GNPTAB: variants seen among roughly 807,000 people sequenced by gnomAD.
GNPTAB encodes the protein N-acetylglucosamine-1-phosphate transferase subunits alpha and beta.
In GNPTAB, 92 loss-of-function variants were observed where a neutral mutation model predicts 136.6. The observed-to-expected ratio is 0.67, with a 90% confidence interval of 0.57 to 0.80. GNPTAB has a LOEUF of 0.80. GNPTAB is among the 30% of genes least tolerant of loss of function. GNPTAB has a pLI of 0.00. For synonymous variants in GNPTAB, 512 were observed against 535.1 expected (o/e 0.96, Z 0.60); for missense variants, 1,343 against 1,501.8 (o/e 0.89, Z 1.75).
At chr12:101,755,537 T>C (rs1952889445) in intron 18 of GNPTAB, among the ~76,000 whole-genome samples, 1 of 152,170 alleles carries the variant, frequency 6.6e-6, no homozygotes, top group African/African-American at 2.4e-5. Context: ...ATTTAACCAA[T>C]GTTAAAGTTC....
At chr12:101,776,136 T>C (rs1028513873) in intron 7 of GNPTAB, among the ~76,000 whole-genome samples, 1 of 152,208 alleles carries the variant, frequency 6.6e-6, no homozygotes, top group Non-Finnish European at 1.5e-5. Context: ...ACAACTACTA[T>C]AATTGAAGGA....
chr12:101,772,281 A>G (rs753487438), intron 7 of GNPTAB, among the ~76,000 whole-genome samples: 17 of 152,224 alleles, frequency 1.1e-4, no homozygotes, highest in Non-Finnish European at 2.1e-4. Context: ...CTTCTAAAAG[A>G]GCTTACGGTC....
chr12:101,771,234 C>G, intron 7 of GNPTAB, 77 bp from the exon 8 acceptor site: 1 of 1,066,370 alleles, frequency 9.4e-7, no homozygotes, highest in Non-Finnish European at 1.4e-6. Context: ...CCACTCTGCT[C>G]TTTAATCTTT....
chr12:101,785,134 T>C (rs1477028068), intron 5 of GNPTAB, among the ~76,000 whole-genome samples: 1 of 152,236 alleles, frequency 6.6e-6, no homozygotes, highest in South Asian at 2.1e-4. Context: ...GCTTGGGTTT[T>C]GGTGAGGGTA....
chr12:101,764,076 A>C lies in GNPTAB; in HGVS notation c.2715+126T>G, dbSNP rs11111004. On this transcript the variant is annotated intron_variant, in intron 13 of 20. Coordinates refer to ENST00000299314, the MANE Select transcript of GNPTAB (RefSeq NM_024312.5). Reference sequence around the variant, plus strand: ...TTGGGTAAATTAAATGAAACCATGTAAGAAAAGCATTTAGTTCCATGGCCG... The same window carrying C: ...TTGGGTAAATTAAATGAAACCATGTCAGAAAAGCATTTAGTTCCATGGCCG... The C allele has an allele frequency of 7.6e-4, 945 of 1,236,908 alleles. 4 individuals are homozygous for C. The African/African-American group carries it at 0.013, about 17-fold the overall frequency. The allele number at this position is 1,236,908 out of a possible 1,614,324, so 76.6% of individuals were successfully genotyped here.
Position 101,830,769 on chromosome 12 carries a change from G to A in GNPTAB, c.-94C>T, listed in dbSNP as rs1871335232. ...AGCCGCCATTCAGGGGCCCCGGTCG[G>A]GCCGCCGCGCGCAGGTCACAGCCTC... On this transcript the variant is annotated 5_prime_UTR_variant, in exon 1 of 21. Transcript: ENST00000299314. 2.9e-5 allele frequency: 19 copies of A among 662,786 alleles called. 2 individuals carry two copies. In the Middle Eastern group the frequency reaches 5.6e-3, roughly 196 times the overall value. The allele number at this position is 662,786 out of a possible 1,614,324, so 41.1% of individuals were successfully genotyped here.
chr12:101,764,984 C>T lies in GNPTAB; in HGVS notation c.1933G>A (p.Ala645Thr). The change falls in exon 13 of 21, where the codon GCC (alanine) becomes ACC (threonine). Residue 645 changes from alanine to threonine, a missense_variant. Physicochemically the swap from Ala to Thr is moderately conservative, Grantham distance 58 (BLOSUM62 0). Transcript: ENST00000299314. ...ACTAAATTTTCGTAACCCTTCTGGGCTGTAGAATTCAGTTTTGGTCCCTCC... is the reference window on the plus strand; with the variant it reads ...ACTAAATTTTCGTAACCCTTCTGGGTTGTAGAATTCAGTTTTGGTCCCTCC... ...TREGPKLNST[A>T]QKGYENLVSP... 1 of 1,614,046 alleles carries T rather than the reference C, an allele frequency of 6.2e-7. No individual in the cohort carries two copies. The highest frequency in any genetic ancestry group is 8.5e-7 in the Non-Finnish European group (1 of 1,179,980).
chr12:101,749,057 C>A, intron 20 of GNPTAB, 44 bp downstream of exon 20: 1 of 1,105,080 alleles, frequency 9.0e-7, no homozygotes, highest in South Asian at 1.2e-5. Context: ...GCTAGTATAC[C>A]AAGAAATACC....
intron 2 of GNPTAB, among the ~76,000 whole-genome samples, chr12:101,791,808 C>A (rs1242788504): frequency 6.6e-6 from 1 of 152,104 alleles, no homozygotes; most frequent in Non-Finnish European, 1.5e-5. Flanking sequence ...AAAAAATTAA[C>A]AGAAATGAAA....
intron 2 of GNPTAB, among the ~76,000 whole-genome samples, chr12:101,795,494 T>C (rs1869226251): frequency 6.6e-6 from 1 of 152,198 alleles, no homozygotes; most frequent in Admixed American, 6.5e-5. Flanking sequence ...GATTCATGCC[T>C]GTAACCTCAG....
chr12:101,822,168 C>G (rs1276248690), intron 1 of GNPTAB, among the ~76,000 whole-genome samples: 1 of 152,182 alleles, frequency 6.6e-6, no homozygotes, highest in Non-Finnish European at 1.5e-5. Flanking sequence ...AATCCCAGCA[C>G]TTTGGGAGGC....
At chr12:101,796,611 C>T (rs973168915) in intron 2 of GNPTAB, 66 bp downstream of exon 2, 7 of 1,025,152 alleles carry the variant, frequency 6.8e-6, no homozygotes, top group African/African-American at 4.7e-5. Context: ...GTCATATTTA[C>T]AGGATGGCTA....
At chr12:101,790,493 C>A (rs1343919719) in intron 2 of GNPTAB, among the ~76,000 whole-genome samples, 1 of 152,220 alleles carries the variant, frequency 6.6e-6, no homozygotes, top group African/African-American at 2.4e-5. Context: ...AGGCTCTGCA[C>A]AGTGGCTCAC....
rs542467767 is a variant in GNPTAB at position 101,761,745 on chromosome 12, T to C, written c.2734A>G (p.Thr912Ala). 3.1e-6 allele frequency: 5 copies of C among 1,612,784 alleles called. No homozygotes were observed. In the South Asian group the frequency reaches 5.5e-5, roughly 18 times the overall value. ...CTATCAGTGAAGTATGCCAATTGTG[T>C]CTTCAATGACTCTTCTTCCTGAAAA... ...DLLDEEESLK[T>A]QLAYFTDSKN... Residue 912 changes from threonine (T) to alanine (A), a missense_variant, in exon 14 of 21, where the codon ACA (threonine) becomes GCA (alanine). By Grantham distance (58) the Thr-to-Ala change is moderately conservative. Transcript: ENST00000299314.
chr12:101,759,909 C>A, intron 16 of GNPTAB, 121 bp downstream of exon 16: 1 of 726,858 alleles, frequency 1.4e-6, no homozygotes, highest in South Asian at 1.5e-5. Context: ...TGTTTTGCAA[C>A]AAAGACATAT....
rs1169845050 is a variant in GNPTAB at position 101,764,416 on chromosome 12, T to C, written c.2501A>G (p.Lys834Arg). ...KTIGGNVTKEKPPSLIVPLES... is the reference protein window; with the variant it reads ...KTIGGNVTKERPPSLIVPLES... ...CAGTGGAACAATCAGAGATGGGGGC[T>C]TTTCTTTTGTCACATTTCCGCCTAT... Residue 834 changes from lysine to arginine, a missense_variant, in exon 13 of 21, where the codon AAG (lysine) becomes AGG (arginine). Coordinates refer to ENST00000299314, the MANE Select transcript of GNPTAB (RefSeq NM_024312.5). 5.6e-6 allele frequency: 9 copies of C among 1,613,346 alleles called. No homozygotes were observed. The African/African-American group carries it at 6.7e-5, about 12-fold the overall frequency.
intron 16 of GNPTAB, among the ~76,000 whole-genome samples, chr12:101,758,087 G>C (rs544945222): frequency 2.6e-4 from 38 of 148,822 alleles, no homozygotes; most frequent in African/African-American, 9.2e-4. Context: ...CGCCCAGGCT[G>C]GAGTGCAGTG....
rs181485005 is a variant in GNPTAB, at chr12:101,798,175, T to C, written c.118-1413A>G. Among the ~76,000 whole-genome samples, 189 of 151,980 alleles carry C rather than the reference T, an allele frequency of 1.2e-3. 2 individuals carry two copies. The highest frequency in any genetic ancestry group is 4.2e-3 in the African/African-American group (174 of 41,492). ...GCATTTTCCTCATCTCTTACTCAAG[T>C]ATTCATAGCAGTTGCCCAGTTCCTC... On this transcript the variant is annotated intron_variant, in intron 1 of 20. Transcript: ENST00000299314.
chr12:101,818,376 CT>C (rs11347749), intron 1 of GNPTAB, among the ~76,000 whole-genome samples: 37,556 of 132,476 alleles, frequency 0.28, 4,616 homozygotes, highest in African/African-American at 0.35. Flanking sequence ...ATATTTGTGT[CT>C]TTTTTTTTTT....
Sources: gnomAD v4.1 joint callset for allele counts (sites outside exome capture counted in the v4.1 genomes callset) on GRCh38, gnomAD v4.1.1 for gene constraint, MANE v1.5 for transcripts, NCBI Gene and HGNC (gene_info 2026-07-23, HGNC 2026-07-21) for gene names.